The following INPP4B variants were observed in gnomAD, a reference collection of about 807,000 sequenced individuals.
INPP4B encodes the protein inositol polyphosphate 4-phosphatase type II.
In INPP4B, 55 loss-of-function variants were observed where a neutral mutation model predicts 122.5. That is an observed-to-expected ratio of 0.45 (90% CI 0.36 to 0.56). The LOEUF (loss-of-function observed/expected upper bound fraction) is 0.56, where lower values mean the gene tolerates loss of function less well. Among genes scored for constraint, INPP4B ranks in the 20% least tolerant of loss-of-function variants. The pLI is 0.00. For synonymous variants in INPP4B, 403 were observed against 388.7 expected (o/e 1.04, Z -0.43); for missense variants, 1,000 against 1,097.7 (o/e 0.91, Z 1.26).
intron 1 of INPP4B, among the ~76,000 whole-genome samples, chr4:142,806,795 GA>G (rs1319876888): frequency 3.4e-5 from 4 of 118,692 alleles, no homozygotes; most frequent in South Asian, 5.5e-4. Context: ...AGGAAAGAAA[GA>G]AAGAAAGAAA....
intron 3 of INPP4B, among the ~76,000 whole-genome samples, chr4:142,455,174 A>G (rs1034788261): frequency 6.6e-6 from 1 of 152,050 alleles, no homozygotes; most frequent in Non-Finnish European, 1.5e-5. Context: ...TAATTCAATT[A>G]CACTATTTTA....
At chr4:142,828,524 A>T (rs1187910453) in intron 1 of INPP4B, among the ~76,000 whole-genome samples, 1 of 152,142 alleles carries the variant, frequency 6.6e-6, no homozygotes, top group Non-Finnish European at 1.5e-5. Flanking sequence ...AGAGAAGGCT[A>T]GTGGAAGTCC....
chr4:142,819,050 T>G (rs965772786), intron 1 of INPP4B, among the ~76,000 whole-genome samples: 2 of 152,146 alleles, frequency 1.3e-5, no homozygotes, highest in Non-Finnish European at 2.9e-5. Flanking sequence ...ACTCCAGTCA[T>G]GCGTTGTGTG....
chr4:142,083,745 C>T lies in INPP4B; in HGVS notation c.2488-1560G>A, dbSNP rs538495246. Among the ~76,000 whole-genome samples, 3 of 152,166 alleles carry T rather than the reference C, an allele frequency of 2.0e-5. No individual in the cohort carries two copies. The South Asian group carries it at 6.2e-4, about 32-fold the overall frequency. On this transcript the variant is annotated intron_variant, in intron 24 of 25. Transcript: ENST00000262992. ...GAAAAATGTGAGAGCATGATGTCTC[C>T]ATACAATCTTTTTACATCTAAAAAA...
At chr4:142,734,641 T>G (rs766501722) in intron 1 of INPP4B, among the ~76,000 whole-genome samples, 16 of 151,902 alleles carry the variant, frequency 1.1e-4, no homozygotes, top group Non-Finnish European at 2.2e-4. Flanking sequence ...TATTAGATTT[T>G]GTTTGTTTGT....
At chr4:142,307,398 T>C (rs2151218968) in intron 8 of INPP4B, among the ~76,000 whole-genome samples, 1 of 152,322 alleles carries the variant, frequency 6.6e-6, no homozygotes. Context: ...CTCCAAAAAA[T>C]AATTGAGAAT....
Position 142,725,921 on chromosome 4 carries a change from A to C in INPP4B, c.-253-20T>G. The C allele has an allele frequency of 2.5e-6, 1 of 397,840 alleles. No homozygotes were observed. Among genetic ancestry groups the C allele is most frequent in the Non-Finnish European group, 4.4e-6 (1 of 225,562 alleles). The allele number at this position is 397,840 out of a possible 1,614,324, so 24.6% of individuals were successfully genotyped here. A position where few individuals can be genotyped will look rare whatever the true frequency, so the allele number is the denominator to read the frequency against. ...TGTATTCTACGGGAAAAGAGAAAGA[A>C]GATTAATAAAAACAACCTTTCTTTT... On this transcript the variant is annotated intron_variant, in intron 1 of 25. Coordinates refer to ENST00000262992, the MANE Select transcript of INPP4B (RefSeq NM_001101669.3).
At chr4:142,467,547 T>G (rs1232127326) in intron 2 of INPP4B, among the ~76,000 whole-genome samples, 1 of 151,942 alleles carries the variant, frequency 6.6e-6, no homozygotes, top group Non-Finnish European at 1.5e-5. Context: ...TTGTTTTTTG[T>G]TTTTTGTTTT....
intron 18 of INPP4B, among the ~76,000 whole-genome samples, chr4:142,129,537 A>C (rs1318395751): frequency 2.6e-5 from 4 of 152,098 alleles, no homozygotes. Context: ...TTGGTCATAG[A>C]CCCTAGACAT....
intron 5 of INPP4B, among the ~76,000 whole-genome samples, chr4:142,413,485 T>C (rs781382618): frequency 1.1e-4 from 16 of 152,208 alleles, no homozygotes; most frequent in Non-Finnish European, 1.6e-4. Context: ...TAGATACTAG[T>C]ATTCCTATCT....
chr4:142,736,796 C>T (rs1475035304), intron 1 of INPP4B, among the ~76,000 whole-genome samples: 1 of 152,102 alleles, frequency 6.6e-6, no homozygotes, highest in East Asian at 1.9e-4. Context: ...TTATTTCTTT[C>T]TCCTGCCTGA....
intron 14 of INPP4B, among the ~76,000 whole-genome samples, chr4:142,204,099 GA>G (rs1841756500): frequency 1.3e-5 from 2 of 148,350 alleles, no homozygotes; most frequent in African/African-American, 4.9e-5. Flanking sequence ...GACACTCAGA[GA>G]GGTCAAATAA....
intron 25 of INPP4B, among the ~76,000 whole-genome samples, chr4:142,072,391 C>T (rs13117259): frequency 0.042 from 6,406 of 151,258 alleles, 179 homozygotes; most frequent in South Asian, 0.061. Flanking sequence ...ATGTAAATGA[C>T]GGGTGCAGCA....
chr4:142,815,654 T>G (rs1388437052), intron 1 of INPP4B, among the ~76,000 whole-genome samples: 1 of 152,164 alleles, frequency 6.6e-6, no homozygotes, highest in East Asian at 1.9e-4. Context: ...ATTTTTACTC[T>G]TATGAAGACA....
intron 2 of INPP4B, among the ~76,000 whole-genome samples, chr4:142,700,610 A>T (rs1239815014): frequency 1.3e-5 from 2 of 152,176 alleles, no homozygotes. Context: ...TTAAGAAAAC[A>T]GCTAGTCATT....
At chr4:142,545,759 G>GTATATGTGTGTATATATATACACACA (rs1829532025) in intron 2 of INPP4B, among the ~76,000 whole-genome samples, 2 of 70,844 alleles carry the variant, frequency 2.8e-5, no homozygotes, top group African/African-American at 9.3e-5. Flanking sequence ...ATATACACAT[G>GTATATGTGTGTATATATATACACACA]TATATGTGTG....
At chr4:142,465,264 G>T (rs1392386050) in intron 2 of INPP4B, among the ~76,000 whole-genome samples, 1 of 152,078 alleles carries the variant, frequency 6.6e-6, no homozygotes, top group African/African-American at 2.4e-5. Flanking sequence ...CCATTATGGG[G>T]TCATTCATTA....
rs368947221 is a variant in INPP4B at position 142,040,663 on chromosome 4, C to T, written c.2643-11749G>A. Among the ~76,000 whole-genome samples the T allele has an allele frequency of 1.6e-4, 24 of 152,258 alleles. No homozygotes were observed. In the East Asian group the frequency reaches 3.1e-3, roughly 20 times the overall value. Reference sequence around the variant, plus strand: ...TAGATATAGATCTAGAACTCGTTTTCTGGTTCCAATACCATGTAATTATGC... The same window carrying T: ...TAGATATAGATCTAGAACTCGTTTTTTGGTTCCAATACCATGTAATTATGC... On this transcript the variant is annotated intron_variant, in intron 25 of 25. Transcript: ENST00000262992.
intron 2 of INPP4B, among the ~76,000 whole-genome samples, chr4:142,506,627 A>G (rs898377585): frequency 2.0e-5 from 3 of 152,182 alleles, no homozygotes; most frequent in Non-Finnish European, 4.4e-5. Flanking sequence ...GAAAAGGAAC[A>G]CAAGAGCGAA....
Sources: gnomAD v4.1 joint callset for allele counts (sites outside exome capture counted in the v4.1 genomes callset) on GRCh38, gnomAD v4.1.1 for gene constraint, MANE v1.5 for transcripts, NCBI Gene and HGNC (gene_info 2026-07-23, HGNC 2026-07-21) for gene names.